Variants in DNAH14 observed in about 807,000 individuals in gnomAD.
DNAH14 encodes axonemal beta dynein heavy chain 14.
DNAH14 carries 478 observed loss-of-function variants against 520.9 expected under a neutral mutation model. The observed-to-expected ratio is 0.92, with a 90% CI of 0.85 to 0.99. DNAH14 has a LOEUF of 0.99. DNAH14 is among the 50% of genes least tolerant of loss of function. The probability of loss-of-function intolerance (pLI) is 0.00; values close to 1 mark genes in which losing one functional copy is unlikely to be tolerated. For synonymous variants in DNAH14, 1,581 were observed against 1,757.2 expected, an observed-to-expected ratio of 0.90 and a Z score of 2.51; for missense variants, 4,831 against 5,234.5, an observed-to-expected ratio of 0.92 and a Z score of 2.38.
chr1:225,283,647 G>A lies in DNAH14; in HGVS notation c.8271+6145G>A, dbSNP rs79213920. Among the ~76,000 whole-genome samples, 710 of 152,192 alleles carry A rather than the reference G, an allele frequency of 4.7e-3. 3 individuals are homozygous for A. The highest frequency in any genetic ancestry group is 8.2e-3 in the Non-Finnish European group (560 of 67,990). ...GAGAAACTAGACATAAAATCAGCAA[G>A]GTTACAAAGACTTCAACAGTATAGT... On this transcript the variant is annotated intron_variant, in intron 54 of 85. Transcript: ENST00000682510.
chr1:225,074,182 G>T (rs1363008300), intron 17 of DNAH14, among the ~76,000 whole-genome samples: 1 of 151,140 alleles, frequency 6.6e-6, no homozygotes, highest in Admixed American at 6.6e-5. Context: ...TGTATTTTTA[G>T]TAGAGACGGG....
intron 21 of DNAH14, among the ~76,000 whole-genome samples, chr1:225,090,364 A>G (rs1040081231): frequency 4.6e-5 from 7 of 152,188 alleles, no homozygotes; most frequent in East Asian, 3.8e-4. Flanking sequence ...CTAGCAGACT[A>G]CTTGTAGAAA....
chr1:225,005,696 T>C (rs1200858282), intron 9 of DNAH14, among the ~76,000 whole-genome samples: 2 of 152,138 alleles, frequency 1.3e-5, no homozygotes, highest in African/African-American at 4.8e-5. Flanking sequence ...TTTTATAATA[T>C]AACTATATGA....
rs191510022 is a variant in DNAH14 at position 225,333,036 on chromosome 1, C to T, written c.9865-255C>T. 1.7e-3 allele frequency among the ~76,000 whole-genome samples: 263 copies of T among 152,140 alleles called. 3 individuals carry two copies. The South Asian group carries it at 0.023, about 14-fold the overall frequency. On this transcript the variant is annotated intron_variant, in intron 65 of 85. Transcript: ENST00000682510. ...AAAAAAAAATTGTCCTGCTTTATTACACAAAGGATTTTAAATGGCTGTGTA... is the reference window on the plus strand; with the variant it reads ...AAAAAAAAATTGTCCTGCTTTATTATACAAAGGATTTTAAATGGCTGTGTA...
In DNAH14 at chr1:225,207,225, GT is replaced by G. The variant is rs148175906; in HGVS notation, c.6439+12del. 9,943 of 1,504,764 alleles carry G rather than the reference GT, an allele frequency of 6.6e-3. 399 individuals are homozygous for G. The East Asian group carries it at 0.12, about 18-fold the overall frequency. 93.2% of individuals were successfully genotyped at this position (1,504,764 alleles called of 1,614,324 possible). ...AAAATGGAGGATTTGAACAAAGTGAGTTTTTTTCTCTAAGTCATATCAATGA... is the reference window on the plus strand; with the variant it reads ...AAAATGGAGGATTTGAACAAAGTGAGTTTTTTCTCTAAGTCATATCAATGA... On this transcript the variant is annotated splice_donor_region_variant and intron_variant, in intron 41 of 85. Transcript: ENST00000682510.
chr1:224,977,253 C>T (rs904179003), intron 8 of DNAH14, among the ~76,000 whole-genome samples: 9 of 149,076 alleles, frequency 6.0e-5, no homozygotes, highest in Non-Finnish European at 1.0e-4. Flanking sequence ...AACCAAACAC[C>T]GCATGTTCTC....
At chr1:225,216,541 G>A (rs143093447) in intron 41 of DNAH14, among the ~76,000 whole-genome samples, 3 of 152,274 alleles carry the variant, frequency 2.0e-5, no homozygotes, top group East Asian at 1.9e-4. Context: ...CCAATCAGAC[G>A]TAGATTTGGT....
chr1:225,140,947 T>G lies in DNAH14; in HGVS notation c.4434T>G (p.Tyr1478Ter), dbSNP rs1242201292. 8 of 1,551,464 alleles carry G rather than the reference T, an allele frequency of 5.2e-6. No homozygotes were observed. Among genetic ancestry groups the G allele is most frequent in the Non-Finnish European group, 7.0e-6 (8 of 1,146,892 alleles). Residue 1478 changes from tyrosine to a stop codon, truncating the protein, a stop_gained, in exon 28 of 86, where the codon TAT (tyrosine) becomes TAG (stop). Coordinates refer to ENST00000682510, the MANE Select transcript of DNAH14 (RefSeq NM_001367479.1). LOFTEE classifies it high-confidence loss of function. ...KAILGALLIL[Y>*]VHCRDIVINL... ...TACTAGGGGCATTGCTTATCCTTTA[T>G]GTTCACTGCAGAGATATAGTGATAA...
rs181626464 is a variant in DNAH14, at chr1:224,940,398, A to C, written c.-34+10563A>C. On this transcript the variant is annotated intron_variant, in intron 1 of 85. Coordinates refer to ENST00000682510, the MANE Select transcript of DNAH14 (RefSeq NM_001367479.1). ...GAGTGGAGTAGCATCCATGTATATC[A>C]ATCAATTAATGGTGGTTATCTTTGG... Among the ~76,000 whole-genome samples the C allele has an allele frequency of 3.4e-3, 515 of 152,328 alleles. 2 individuals are homozygous for C. The highest frequency in any genetic ancestry group is 0.012 in the African/African-American group (498 of 41,574).
Position 225,335,675 on chromosome 1 carries a change from A to G in DNAH14, c.10081-1591A>G, listed in dbSNP as rs867365030. On this transcript the variant is annotated intron_variant, in intron 66 of 85. Transcript: ENST00000682510. ...TACGCATATATACATATGTGCATAT[A>G]TGTATATACGCATATATACATATGT... 3.0e-3 allele frequency among the ~76,000 whole-genome samples: 265 copies of G among 88,770 alleles called. 64 individuals carry two copies. The highest frequency in any genetic ancestry group is 8.0e-3 in the African/African-American group (141 of 17,614). 58.2% of individuals were successfully genotyped at this position (88,770 alleles called of 152,430 possible).
rs1368928297 is a variant in DNAH14 at position 225,380,214 on chromosome 1, C to T, written c.12772C>T (p.Arg4258Trp). 49 of 1,551,462 alleles carry T rather than the reference C, an allele frequency of 3.2e-5. No homozygotes were observed. The highest frequency in any genetic ancestry group is 7.0e-6 in the Non-Finnish European group (8 of 1,146,958). The change falls in exon 80 of 86, where the codon CGG (arginine) becomes TGG (tryptophan). Residue 4258 changes from arginine (R) to tryptophan (W), a missense_variant. Physicochemically the swap from Arg to Trp is moderately radical, Grantham distance 101. Transcript: ENST00000682510. ...VMEILSDLLK[R>W]LPLTVEKEEI... ...GGAAATTCTATCCGACTTGCTAAAG[C>T]GGCTGCCACTGACAGTGGAGAAAGA...
At chr1:225,355,877 G>C (rs983469503) in intron 73 of DNAH14, among the ~76,000 whole-genome samples, 1 of 152,036 alleles carries the variant, frequency 6.6e-6, no homozygotes, top group Non-Finnish European at 1.5e-5. Context: ...TAGAAATTCT[G>C]TACCTGTTAA....
At chr1:225,208,675 A>C (rs2087926776) in intron 41 of DNAH14, among the ~76,000 whole-genome samples, 1 of 152,166 alleles carries the variant, frequency 6.6e-6, no homozygotes, top group South Asian at 2.1e-4. Context: ...CTAAGATTGA[A>C]TAGGATCCTG....
At chr1:225,396,007 T>C (rs1261581319) in intron 84 of DNAH14, 2 of 152,134 alleles carry the variant, frequency 1.3e-5, no homozygotes, top group African/African-American at 4.8e-5. Flanking sequence ...AAAAGGGTGA[T>C]ACATGAAGAA....
chr1:225,221,901 G>T (rs74516647), intron 41 of DNAH14, among the ~76,000 whole-genome samples: 1 of 152,152 alleles, frequency 6.6e-6, no homozygotes, highest in Admixed American at 6.5e-5. Flanking sequence ...AATTCAGGGG[G>T]TCAACTATGT....
chr1:225,243,731 CT>C (rs1350299785), intron 43 of DNAH14, among the ~76,000 whole-genome samples: 1 of 152,060 alleles, frequency 6.6e-6, no homozygotes, highest in Non-Finnish European at 1.5e-5. Context: ...GTCTTATCAG[CT>C]TAAGGAGTTT....
In DNAH14 at chr1:225,381,615, G is replaced by A. The variant is rs776596658; in HGVS notation, c.13077+36G>A. 63 of 1,449,352 alleles carry A rather than the reference G, an allele frequency of 4.3e-5. No individual in the cohort carries two copies. The Middle Eastern group carries it at 5.8e-4, about 13-fold the overall frequency. The allele number at this position is 1,449,352 out of a possible 1,614,324, so 89.8% of individuals were successfully genotyped here. A position where few individuals can be genotyped will look rare whatever the true frequency, so the allele number is the denominator to read the frequency against. On this transcript the variant is annotated intron_variant, in intron 81 of 85. Transcript: ENST00000682510. Reference sequence around the variant, plus strand: ...ATTATTATTTCCTATTTTCTTGCTTGCTTGAAATAAATGTCCAAGTTCAAG... The same window carrying A: ...ATTATTATTTCCTATTTTCTTGCTTACTTGAAATAAATGTCCAAGTTCAAG...
chr1:225,210,020 C>T (rs1325719478), intron 41 of DNAH14, among the ~76,000 whole-genome samples: 1 of 152,074 alleles, frequency 6.6e-6, no homozygotes, highest in Non-Finnish European at 1.5e-5. Flanking sequence ...CAGGAGATTC[C>T]CTTGGGTGCC....
intron 64 of DNAH14, among the ~76,000 whole-genome samples, chr1:225,328,792 G>A (rs961268400): frequency 2.0e-5 from 3 of 152,060 alleles, no homozygotes; most frequent in African/African-American, 7.2e-5. Context: ...TAACTCACTA[G>A]GTCGTAAGTA....
Sources: gnomAD v4.1 joint callset for allele counts (sites outside exome capture counted in the v4.1 genomes callset) on GRCh38, gnomAD v4.1.1 for gene constraint, MANE v1.5 for transcripts, NCBI Gene and HGNC (gene_info 2026-07-23, HGNC 2026-07-21) for gene names.